The following SERAC1 variants were observed in gnomAD, a reference collection of about 807,000 sequenced individuals.
SERAC1 encodes protein SERAC1.
Under a neutral mutation model 85.7 loss-of-function variants are expected in SERAC1, and 36 were observed. That is an observed-to-expected ratio of 0.42 (90% confidence interval 0.32 to 0.55). SERAC1 has a LOEUF of 0.55. SERAC1 is among the 20% of genes least tolerant of loss of function. The pLI is 0.11. For synonymous variants in SERAC1, 242 were observed against 265.3 expected (o/e 0.91, Z 0.85); for missense variants, 629 against 796.2 (o/e 0.79, Z 2.53).
chr6:158,148,836 G>A (rs772199787), intron 5 of SERAC1, 29 bp downstream of exon 5: 1 of 1,462,086 alleles, frequency 6.8e-7, no homozygotes, highest in South Asian at 1.2e-5. Flanking sequence ...TTACTGATAA[G>A]GATTCCAAGT....
intron 14 of SERAC1, 21 bp from the exon 15 acceptor site, chr6:158,114,992 A>C (rs1282477696): frequency 1.3e-6 from 2 of 1,595,260 alleles, no homozygotes; most frequent in Non-Finnish European, 8.5e-7. Context: ...ACAAGGGAAA[A>C]AAACAATGCA....
chr6:158,159,815 A>G (rs1785445296), intron 1 of SERAC1, among the ~76,000 whole-genome samples: 1 of 152,054 alleles, frequency 6.6e-6, no homozygotes, highest in Non-Finnish European at 1.5e-5. Context: ...TTGTAGAGAC[A>G]GGGTTTCACC....
Position 158,120,656 on chromosome 6 carries a change from T to C in SERAC1, c.1016-81A>G, listed in dbSNP as rs753906291. The C allele has an allele frequency of 3.8e-5, 56 of 1,466,496 alleles. No homozygotes were observed. Among genetic ancestry groups the C allele is most frequent in the Non-Finnish European group, 5.1e-5 (56 of 1,088,300 alleles). The allele number at this position is 1,466,496 out of a possible 1,614,324, so 90.8% of individuals were successfully genotyped here. Reference sequence around the variant, plus strand: ...AGAGAGTGAGGTTTCAAACTGAATATGATGGGAGAAAGGCAAACCTTGCGT... The same window carrying C: ...AGAGAGTGAGGTTTCAAACTGAATACGATGGGAGAAAGGCAAACCTTGCGT... On this transcript the variant is annotated intron_variant, in intron 10 of 16. Transcript: ENST00000647468. This position sits in a 1 kb window ranked among gnomAD's most constrained non-coding sequence, Gnocchi z 4.4.
At chr6:158,146,711 C>T (rs1785069022) in intron 6 of SERAC1, 71 bp downstream of exon 6, 5 of 1,590,494 alleles carry the variant, frequency 3.1e-6, no homozygotes, top group East Asian at 2.3e-5. Flanking sequence ...CACCTGGCCA[C>T]TCCCTTGTCT....
chr6:158,127,440 C>T (rs1246558968), intron 10 of SERAC1, among the ~76,000 whole-genome samples: 9 of 17,508 alleles, frequency 5.1e-4, no homozygotes, highest in East Asian at 2.9e-3. Context: ...TGCCCGGCCG[C>T]CCCTACTGGG....
intron 1 of SERAC1, among the ~76,000 whole-genome samples, chr6:158,167,554 A>G (rs1294396626): frequency 6.6e-6 from 1 of 151,064 alleles, no homozygotes; most frequent in African/African-American, 2.5e-5. Context: ...AAAAAAAAAA[A>G]AGGCAGCATG....
At chr6:158,144,634 G>A (rs1785010081) in intron 6 of SERAC1, among the ~76,000 whole-genome samples, 1 of 152,106 alleles carries the variant, frequency 6.6e-6, no homozygotes, top group African/African-American at 2.4e-5. Flanking sequence ...TATATATGGA[G>A]ACCGGGTCAC....
chr6:158,143,207 T>A, intron 7 of SERAC1, 23 bp from the exon 8 acceptor site: 1 of 1,607,766 alleles, frequency 6.2e-7, no homozygotes, highest in Non-Finnish European at 8.5e-7. Context: ...GAAAGGAAAT[T>A]CTTCATAAAT....
intron 8 of SERAC1, among the ~76,000 whole-genome samples, chr6:158,132,683 C>G (rs1784705693): frequency 6.6e-6 from 1 of 152,154 alleles, no homozygotes; most frequent in South Asian, 2.1e-4. Flanking sequence ...GAGTGCAGTT[C>G]CCATTTCATT....
chr6:158,167,397 G>A (rs1167786816), intron 1 of SERAC1, among the ~76,000 whole-genome samples: 1 of 151,754 alleles, frequency 6.6e-6, no homozygotes, highest in Admixed American at 6.6e-5. Context: ...AATCAGCCGG[G>A]CGTGGTAGCG....
intron 14 of SERAC1, among the ~76,000 whole-genome samples, chr6:158,115,397 CTT>C (rs1425256834): frequency 6.6e-6 from 1 of 152,242 alleles, no homozygotes; most frequent in Non-Finnish European, 1.5e-5. Context: ...GAGAACACAG[CTT>C]TCATGGGAAC....
chr6:158,127,261 C>CT (rs1784561794), intron 10 of SERAC1, among the ~76,000 whole-genome samples: 2 of 2,962 alleles, frequency 6.8e-4, no homozygotes, highest in African/African-American at 8.8e-4. Flanking sequence ...TCGGCCCCCC[C>CT]GCCCAGCCAG....
chr6:158,156,520 T>C (rs1451512317), intron 2 of SERAC1, among the ~76,000 whole-genome samples: 1 of 151,864 alleles, frequency 6.6e-6, no homozygotes, highest in Non-Finnish European at 1.5e-5. Flanking sequence ...ATGAGGACAA[T>C]AAAGAGAATG....
intron 1 of SERAC1, among the ~76,000 whole-genome samples, chr6:158,163,629 A>G (rs1785532956): frequency 6.6e-6 from 1 of 152,216 alleles, no homozygotes; most frequent in Admixed American, 6.5e-5. Context: ...CAAACAAACA[A>G]AAAACCCTAA....
chr6:158,130,629 G>A, intron 8 of SERAC1, 143 bp from the exon 9 acceptor site: 1 of 563,512 alleles, frequency 1.8e-6, no homozygotes, highest in Non-Finnish European at 3.1e-6. Context: ...AAATGTAAAA[G>A]GAACTTTATG....
At chr6:158,162,900 G>T (rs1005305140) in intron 1 of SERAC1, among the ~76,000 whole-genome samples, 1 of 151,782 alleles carries the variant, frequency 6.6e-6, no homozygotes, top group African/African-American at 2.4e-5. Flanking sequence ...CCCCTCCCAC[G>T]GTGACTTTAG....
intron 10 of SERAC1, among the ~76,000 whole-genome samples, chr6:158,124,655 C>T (rs1218457393): frequency 3.3e-5 from 5 of 151,394 alleles, no homozygotes; most frequent in African/African-American, 4.8e-5. Context: ...AAAGATATTA[C>T]GTATAAGAGA....
intron 8 of SERAC1, among the ~76,000 whole-genome samples, chr6:158,135,488 G>A (rs951837452): frequency 5.9e-5 from 9 of 152,012 alleles, no homozygotes; most frequent in East Asian, 5.8e-4. Flanking sequence ...AGCCGAGATC[G>A]CGCCACTGCA....
chr6:158,137,554 T>C (rs1435424531), intron 8 of SERAC1, among the ~76,000 whole-genome samples: 1 of 152,084 alleles, frequency 6.6e-6, no homozygotes, highest in Non-Finnish European at 1.5e-5. Context: ...ACACACTGAA[T>C]TGGAGTAGCA....
Sources: allele counts gnomAD v4.1 joint callset (sites outside exome capture counted in the v4.1 genomes callset), GRCh38; gene constraint gnomAD v4.1.1; non-coding constraint Gnocchi (gnomAD v3.1); transcripts MANE v1.5; gene names NCBI Gene and HGNC (gene_info 2026-07-23, HGNC 2026-07-21).